Variants in CRISPLD1 observed in about 807,000 individuals in gnomAD.
CRISPLD1 encodes cysteine-rich secretory protein LCCL domain-containing 1.
In CRISPLD1, 60 loss-of-function variants were observed where a neutral mutation model predicts 77.5. That is an observed-to-expected ratio of 0.77 (90% CI 0.63 to 0.96). The LOEUF is 0.96. Ranked by LOEUF, CRISPLD1 falls within the 40% of genes least tolerant of loss-of-function variation. The pLI, the probability that CRISPLD1 is intolerant of heterozygous loss-of-function variation, is 0.00. For missense variants in CRISPLD1, 623 were observed against 615.8 expected (o/e 1.01, Z -0.12); for synonymous variants, 195 against 200.1 (o/e 0.97, Z 0.22).
intron 14 of CRISPLD1, among the ~76,000 whole-genome samples, chr8:75,030,784 GTATA>G (rs1052123324): frequency 1.4e-4 from 19 of 134,226 alleles, no homozygotes; most frequent in Middle Eastern, 3.7e-3. Context: ...GTGTGTGACT[GTATA>G]TATGTGTGAG....
chr8:74,987,475 T>C (rs184536342), intron 2 of CRISPLD1, among the ~76,000 whole-genome samples: 2 of 152,362 alleles, frequency 1.3e-5, no homozygotes, highest in East Asian at 3.9e-4. Context: ...GGACAAAGTT[T>C]AGCTCATTAG....
At chr8:75,003,185 C>T (rs1445841694) in intron 2 of CRISPLD1, among the ~76,000 whole-genome samples, 1 of 152,138 alleles carries the variant, frequency 6.6e-6, no homozygotes, top group African/African-American at 2.4e-5. Context: ...TATAGAGACA[C>T]TGAGCAACGT....
In CRISPLD1 at chr8:75,033,086, T is replaced by G. The variant is rs1813381025; in HGVS notation, c.*844T>G. ...TAATGTATTACATTACCATTGCCACTGATTTTTTTTTAAATGGTAAATGAC... is the reference window on the plus strand; with the variant it reads ...TAATGTATTACATTACCATTGCCACGGATTTTTTTTTAAATGGTAAATGAC... On this transcript the variant is annotated 3_prime_UTR_variant, in exon 15 of 15. Coordinates refer to ENST00000262207, the MANE Select transcript of CRISPLD1 (RefSeq NM_031461.6). 1 of 152,416 alleles carries G rather than the reference T, an allele frequency of 6.6e-6. No individual in the cohort carries two copies. Among genetic ancestry groups the G allele is most frequent in the South Asian group, 2.1e-4 (1 of 4,836 alleles). The allele number at this position is 152,416 out of a possible 1,614,324, so 9.4% of individuals were successfully genotyped here. A position where few individuals can be genotyped will look rare whatever the true frequency, so the allele number is the denominator to read the frequency against.
chr8:74,993,655 A>G (rs892586951), intron 2 of CRISPLD1, among the ~76,000 whole-genome samples: 2 of 152,228 alleles, frequency 1.3e-5, no homozygotes, highest in African/African-American at 4.8e-5. Context: ...ACCCAGTTCT[A>G]TTCTCCCTTA....
At chr8:75,019,598 A>T (rs928408733) in intron 10 of CRISPLD1, among the ~76,000 whole-genome samples, 8 of 151,436 alleles carry the variant, frequency 5.3e-5, no homozygotes, top group South Asian at 2.1e-4. Flanking sequence ...TATATTTTTT[A>T]TATATATATA....
At chr8:75,007,663 C>CT (rs34289550) in intron 2 of CRISPLD1, among the ~76,000 whole-genome samples, 16,131 of 89,062 alleles carry the variant, frequency 0.18, 2,002 homozygotes, top group East Asian at 0.28. Flanking sequence ...GAACCATCGA[C>CT]TTTTTTTTTT....
At chr8:74,996,723 T>C (rs11998009) in intron 2 of CRISPLD1, among the ~76,000 whole-genome samples, 13 of 138,362 alleles carry the variant, frequency 9.4e-5, no homozygotes, top group African/African-American at 3.2e-4. Context: ...TTTTTTTTTT[T>C]TTTTTTTTTT....
intron 14 of CRISPLD1, among the ~76,000 whole-genome samples, chr8:75,031,126 A>G (rs1455272571): frequency 6.6e-6 from 1 of 152,048 alleles, no homozygotes; most frequent in Admixed American, 6.6e-5. Flanking sequence ...CATAAATAAA[A>G]TGGCTTTGGA....
rs1812487960 is a variant in CRISPLD1, at chr8:74,985,912, A to T, written c.-62-14A>T. On this transcript the variant is annotated splice_polypyrimidine_tract_variant and intron_variant, in intron 1 of 14. Coordinates refer to ENST00000262207, the MANE Select transcript of CRISPLD1 (RefSeq NM_031461.6). ...CTGGAATTTTCATCTTAATCACATGACATGTCGTTATAGCCAAAAGGAGTG... is the reference window on the plus strand; with the variant it reads ...CTGGAATTTTCATCTTAATCACATGTCATGTCGTTATAGCCAAAAGGAGTG... 3 of 1,470,096 alleles carry T rather than the reference A, an allele frequency of 2.0e-6. No homozygotes were observed. The South Asian group carries it at 4.0e-5, about 20-fold the overall frequency. The allele number at this position is 1,470,096 out of a possible 1,614,324, so 91.1% of individuals were successfully genotyped here.
chr8:75,008,739 A>G (rs1000170029), intron 2 of CRISPLD1, among the ~76,000 whole-genome samples: 1 of 152,150 alleles, frequency 6.6e-6, no homozygotes, highest in Non-Finnish European at 1.5e-5. Context: ...TTTTTAATGG[A>G]TTAAATAAAA....
rs1812980447 is a variant in CRISPLD1 at position 75,013,930 on chromosome 8, T to C, written c.511-57T>C. Reference sequence around the variant, plus strand: ...ATTTTATGCATTTTTCTCTCAGAAGTGTTGTCCTATTTCATTTCAGCCTGC... The same window carrying C: ...ATTTTATGCATTTTTCTCTCAGAAGCGTTGTCCTATTTCATTTCAGCCTGC... On this transcript the variant is annotated intron_variant, in intron 4 of 14. Coordinates refer to ENST00000262207, the MANE Select transcript of CRISPLD1 (RefSeq NM_031461.6). 10 of 1,085,426 alleles carry C rather than the reference T, an allele frequency of 9.2e-6. No individual in the cohort carries two copies. In the East Asian group the frequency reaches 2.1e-4, roughly 23 times the overall value. 67.2% of individuals were successfully genotyped at this position (1,085,426 alleles called of 1,614,324 possible).
chr8:75,016,016 G>A (rs974058702), intron 6 of CRISPLD1, among the ~76,000 whole-genome samples: 1 of 151,870 alleles, frequency 6.6e-6, no homozygotes, highest in South Asian at 2.1e-4. Flanking sequence ...TAAATTCAAA[G>A]TTTGAAATTA....
chr8:75,014,997 T>C, intron 6 of CRISPLD1, 85 bp downstream of exon 6: 1 of 767,620 alleles, frequency 1.3e-6, no homozygotes, highest in Non-Finnish European at 2.0e-6. Context: ...AAGCCAGAAG[T>C]GCACTTAATG....
intron 8 of CRISPLD1, 42 bp downstream of exon 8, chr8:75,016,983 A>C (rs1272176938): frequency 2.0e-6 from 3 of 1,525,316 alleles, no homozygotes; most frequent in East Asian, 2.4e-5. Flanking sequence ...GAATATAATA[A>C]ATATTTTTAT....
intron 12 of CRISPLD1, among the ~76,000 whole-genome samples, chr8:75,024,380 C>T (rs1394486310): frequency 2.0e-5 from 3 of 152,092 alleles, no homozygotes; most frequent in Non-Finnish European, 4.4e-5. Flanking sequence ...GGCTGGAGTG[C>T]AGTGGCATGA....
intron 2 of CRISPLD1, among the ~76,000 whole-genome samples, chr8:75,001,512 A>G (rs1812740927): frequency 6.6e-6 from 1 of 152,224 alleles, no homozygotes; most frequent in South Asian, 2.1e-4. Context: ...TAAACTGCAT[A>G]TAAATCATGA....
chr8:75,023,570 TTTC>T (rs1813178215), intron 12 of CRISPLD1, among the ~76,000 whole-genome samples: 1 of 152,220 alleles, frequency 6.6e-6, no homozygotes, highest in African/African-American at 2.4e-5. Flanking sequence ...ACTATAACTA[TTTC>T]TTAGAAATGT....
intron 2 of CRISPLD1, among the ~76,000 whole-genome samples, chr8:74,988,841 CA>C (rs1032576545): frequency 2.6e-5 from 4 of 151,832 alleles, no homozygotes; most frequent in East Asian, 1.9e-4. Flanking sequence ...TTAAAACAAA[CA>C]AAAAAAACTT....
At position 75,020,018 on chromosome 8, in the gene CRISPLD1, A is replaced by G; in HGVS notation, c.1183A>G (p.Thr395Ala). 5 of 1,614,116 alleles carry G rather than the reference A, an allele frequency of 3.1e-6. No homozygotes were observed. Among genetic ancestry groups the G allele is most frequent in the Non-Finnish European group, 4.2e-6 (5 of 1,179,978 alleles). ...TTTTAATTCTTCAGTTCAGGCTGTG[A>G]CTTGTGAAACAACTGTGGAACAGCT... ...TVSKVTVQAV[T>A]CETTVEQLCP... Residue 395 changes from threonine to alanine, a missense_variant, in exon 12 of 15, where the codon ACT becomes GCT. Coordinates refer to ENST00000262207, the MANE Select transcript of CRISPLD1 (RefSeq NM_031461.6).
Sources: gnomAD v4.1 joint callset for allele counts (sites outside exome capture counted in the v4.1 genomes callset) on GRCh38, gnomAD v4.1.1 for gene constraint, MANE v1.5 for transcripts, NCBI Gene and HGNC (gene_info 2026-07-23, HGNC 2026-07-21) for gene names.